MACROD2: variants seen among roughly 807,000 people sequenced by gnomAD.
MACROD2 encodes ADP-ribose glycohydrolase MACROD2.
In MACROD2, 36 loss-of-function variants were observed where a neutral mutation model predicts 70.4. The observed-to-expected ratio is 0.51, with a 90% confidence interval of 0.39 to 0.68. MACROD2 has a LOEUF of 0.68. Ranked by LOEUF, MACROD2 falls within the 30% of genes least tolerant of loss-of-function variation. MACROD2 has a pLI of 0.00. For missense variants in MACROD2, 496 were observed against 538.4 expected (o/e 0.92, Z 0.78); for synonymous variants, 172 against 178.8 (o/e 0.96, Z 0.30).
chr20:15,560,531 G>T (rs1030888479), intron 8 of MACROD2, among the ~76,000 whole-genome samples: 1 of 152,006 alleles, frequency 6.6e-6, no homozygotes, highest in African/African-American at 2.4e-5. Context: ...AGAGGCTGAG[G>T]TAGGCAAGAT....
At chr20:15,065,913 C>T (rs1167783701) in intron 5 of MACROD2, among the ~76,000 whole-genome samples, 1 of 151,978 alleles carries the variant, frequency 6.6e-6, no homozygotes. Flanking sequence ...TGGCATAAAT[C>T]AGTAAACATT....
intron 15 of MACROD2, among the ~76,000 whole-genome samples, chr20:15,996,266 C>A (rs921906455): frequency 1.2e-4 from 18 of 152,052 alleles, no homozygotes; most frequent in African/African-American, 4.3e-4. Flanking sequence ...TAGTAATGTT[C>A]AGCACCTTAT....
chr20:14,879,532 A>G (rs2073587692), intron 5 of MACROD2, among the ~76,000 whole-genome samples: 1 of 152,214 alleles, frequency 6.6e-6, no homozygotes, highest in Non-Finnish European at 1.5e-5. Flanking sequence ...TGGAGAGGCT[A>G]TAGAGGTGAA....
intron 8 of MACROD2, among the ~76,000 whole-genome samples, chr20:15,831,999 A>G (rs1457105576): frequency 1.3e-5 from 2 of 152,138 alleles, no homozygotes; most frequent in Non-Finnish European, 2.9e-5. Context: ...CTTAATATCT[A>G]AGCCTTACAC....
chr20:14,295,395 C>T (rs768215580), intron 3 of MACROD2, among the ~76,000 whole-genome samples: 3 of 151,824 alleles, frequency 2.0e-5, no homozygotes, highest in South Asian at 4.1e-4. Context: ...TCAATAAGGC[C>T]GGCCCAACAA....
intron 6 of MACROD2, among the ~76,000 whole-genome samples, chr20:15,271,790 A>G (rs978842004): frequency 2.6e-5 from 4 of 152,186 alleles, no homozygotes; most frequent in South Asian, 2.1e-4. Flanking sequence ...AAGACCAGTG[A>G]TAGTCCAGCA....
At chr20:15,265,789 CA>C (rs2077289226) in intron 6 of MACROD2, among the ~76,000 whole-genome samples, 1 of 151,530 alleles carries the variant, frequency 6.6e-6, no homozygotes, top group African/African-American at 2.4e-5. Context: ...CTATGTTAAC[CA>C]AAAGAAAAAA....
At chr20:15,952,225 G>T (rs948204699) in intron 12 of MACROD2, among the ~76,000 whole-genome samples, 1 of 152,084 alleles carries the variant, frequency 6.6e-6, no homozygotes, top group Non-Finnish European at 1.5e-5. Flanking sequence ...TCCCGGTCTT[G>T]AGTATGTCTT....
intron 15 of MACROD2, among the ~76,000 whole-genome samples, chr20:16,035,118 A>ATTAT (rs1401921763): frequency 5.2e-5 from 4 of 77,528 alleles, no homozygotes; most frequent in African/African-American, 1.6e-4. Context: ...TATAAAATAT[A>ATTAT]ATATAAAATA....
intron 6 of MACROD2, among the ~76,000 whole-genome samples, chr20:15,372,837 A>T (rs756689748): frequency 2.6e-5 from 4 of 152,178 alleles, no homozygotes; most frequent in Non-Finnish European, 5.9e-5. Context: ...GAATTACTTG[A>T]GGCCAGGAGT....
intron 2 of MACROD2, among the ~76,000 whole-genome samples, chr20:14,009,040 A>G (rs908379794): frequency 6.6e-6 from 1 of 152,304 alleles, no homozygotes; most frequent in South Asian, 2.1e-4. Flanking sequence ...ACGCAGTACC[A>G]TTCAGGATCT....
At chr20:14,955,750 T>A (rs966986048) in intron 5 of MACROD2, among the ~76,000 whole-genome samples, 2 of 152,106 alleles carry the variant, frequency 1.3e-5, no homozygotes, top group Non-Finnish European at 2.9e-5. Flanking sequence ...TCTTTTAAAT[T>A]TGTTTCAATG....
intron 8 of MACROD2, among the ~76,000 whole-genome samples, chr20:15,589,002 T>C (rs577496076): frequency 1.6e-4 from 24 of 152,328 alleles, no homozygotes; most frequent in Middle Eastern, 3.4e-3. Flanking sequence ...GTTTTCACAC[T>C]GCTGATAAAG....
chr20:14,206,073 C>A (rs778645679), intron 3 of MACROD2, among the ~76,000 whole-genome samples: 8 of 152,130 alleles, frequency 5.3e-5, no homozygotes, highest in Admixed American at 1.3e-4. Context: ...GCAATTTTGT[C>A]CCCCTAGGGG....
intron 6 of MACROD2, among the ~76,000 whole-genome samples, chr20:15,365,583 C>G (rs182545279): frequency 1.9e-3 from 289 of 151,972 alleles, no homozygotes; most frequent in African/African-American, 6.5e-3. Flanking sequence ...ATCGCTTGAA[C>G]CCAAGAGGCA....
chr20:15,645,745 T>A (rs1052913712), intron 8 of MACROD2, among the ~76,000 whole-genome samples: 6 of 152,198 alleles, frequency 3.9e-5, no homozygotes, highest in Non-Finnish European at 8.8e-5. Context: ...ACAGCAAGGC[T>A]GTGTAAATAT....
intron 5 of MACROD2, among the ~76,000 whole-genome samples, chr20:14,997,917 T>C (rs1000121433): frequency 1.3e-5 from 2 of 152,144 alleles, no homozygotes; most frequent in African/African-American, 2.4e-5. Flanking sequence ...ACTCCATTTA[T>C]TTGGCAGAGA....
intron 4 of MACROD2, among the ~76,000 whole-genome samples, chr20:14,671,840 A>G (rs2070798927): frequency 6.6e-6 from 1 of 152,170 alleles, no homozygotes; most frequent in South Asian, 2.1e-4. Context: ...GTATTTTCTT[A>G]GAGATGTTTC....
intron 5 of MACROD2, among the ~76,000 whole-genome samples, chr20:15,025,937 A>G (rs1269045738): frequency 6.6e-6 from 1 of 152,166 alleles, no homozygotes; most frequent in African/African-American, 2.4e-5. Context: ...CATGAAGGTA[A>G]ATCCTGTGGT....
Sources: gnomAD v4.1 joint callset for allele counts (sites outside exome capture counted in the v4.1 genomes callset) on GRCh38, gnomAD v4.1.1 for gene constraint, MANE v1.5 for transcripts, NCBI Gene and HGNC (gene_info 2026-07-23, HGNC 2026-07-21) for gene names.